Variants in IQCJ observed in about 807,000 individuals in gnomAD.
The protein encoded by IQCJ is IQ domain-containing protein J.
Under a neutral mutation model 11.0 loss-of-function variants are expected in IQCJ, and 9 were observed. That is an observed-to-expected ratio of 0.82 (90% CI 0.49 to 1.43). IQCJ has a LOEUF of 1.43. Among genes scored for constraint, IQCJ ranks in the 40% most tolerant of loss-of-function variants. The pLI is 0.00. For missense variants in IQCJ, 146 were observed against 133.2 expected, an observed-to-expected ratio of 1.10 and a Z score of -0.47; for synonymous variants, 55 against 51.3, an observed-to-expected ratio of 1.07 and a Z score of -0.31.
At chr3:159,210,984 A>G (rs1012790947) in intron 1 of IQCJ, among the ~76,000 whole-genome samples, 2 of 152,170 alleles carry the variant, frequency 1.3e-5, no homozygotes, top group Admixed American at 6.5e-5. Context: ...AAATTTTAAA[A>G]CTATGAAATA....
At chr3:159,095,176 T>A (rs1254722945) in intron 1 of IQCJ, among the ~76,000 whole-genome samples, 1 of 151,868 alleles carries the variant, frequency 6.6e-6, no homozygotes, top group East Asian at 1.9e-4. Context: ...ACCTTAGAAG[T>A]TGGCAAACCG....
chr3:159,101,258 G>A (rs1004837469), intron 1 of IQCJ, among the ~76,000 whole-genome samples: 68 of 149,392 alleles, frequency 4.6e-4, no homozygotes, highest in South Asian at 1.5e-3. Context: ...ACTGGCCTGC[G>A]CCCACTGTCT....
rs534959711 is a variant in IQCJ at position 159,115,539 on chromosome 3, A to C, written c.9+46098A>C. 1.0e-3 allele frequency among the ~76,000 whole-genome samples: 153 copies of C among 152,304 alleles called. 2 individuals carry two copies. In the South Asian group the frequency reaches 0.029, roughly 29 times the overall value. ...GATAGTAAAATTTGCCTTCTGTCTTACTCATTCTAGTGAGGAAGATTAGGA... is the reference window on the plus strand; with the variant it reads ...GATAGTAAAATTTGCCTTCTGTCTTCCTCATTCTAGTGAGGAAGATTAGGA... On this transcript the variant is annotated intron_variant, in intron 1 of 3. Coordinates refer to ENST00000397832, the MANE Select transcript of IQCJ (RefSeq NM_001042706.3).
chr3:159,089,458 T>G (rs373765754), intron 1 of IQCJ, among the ~76,000 whole-genome samples: 2 of 151,068 alleles, frequency 1.3e-5, no homozygotes, highest in African/African-American at 5.0e-5. Flanking sequence ...TGAATCTGAA[T>G]GTTGGCCTGC....
intron 1 of IQCJ, among the ~76,000 whole-genome samples, chr3:159,084,453 G>A (rs377759493): frequency 9.4e-4 from 143 of 152,190 alleles, no homozygotes; most frequent in South Asian, 7.1e-3. Context: ...CTTGCCCAGC[G>A]AGTGAGAATA....
intron 1 of IQCJ, among the ~76,000 whole-genome samples, chr3:159,156,926 C>G (rs764155853): frequency 1.3e-5 from 2 of 152,144 alleles, no homozygotes; most frequent in Non-Finnish European, 1.5e-5. Context: ...GCTTACTAGA[C>G]TATTTTCAAC....
At chr3:159,261,803 A>G (rs1728225608) in intron 3 of IQCJ, among the ~76,000 whole-genome samples, 1 of 151,860 alleles carries the variant, frequency 6.6e-6, no homozygotes, top group Non-Finnish European at 1.5e-5. Context: ...TACTAATCAC[A>G]GAAAATAACT....
At chr3:159,075,182 G>T (rs2108047530) in intron 1 of IQCJ, among the ~76,000 whole-genome samples, 1 of 152,212 alleles carries the variant, frequency 6.6e-6, no homozygotes, top group South Asian at 2.1e-4. Context: ...ATAGGAATTT[G>T]CAATGCAATA....
At chr3:159,089,300 G>A (rs1717052269) in intron 1 of IQCJ, among the ~76,000 whole-genome samples, 1 of 152,196 alleles carries the variant, frequency 6.6e-6, no homozygotes, top group Admixed American at 6.5e-5. Flanking sequence ...CTGTTAGTCT[G>A]ATGGGCTTCC....
intron 3 of IQCJ, among the ~76,000 whole-genome samples, chr3:159,253,298 T>TA (rs1727708162): frequency 6.6e-6 from 1 of 152,158 alleles, no homozygotes; most frequent in Non-Finnish European, 1.5e-5. Context: ...TCTGTTAAGA[T>TA]ACCCAAATGT....
chr3:159,176,286 T>G (rs574536696), intron 1 of IQCJ, among the ~76,000 whole-genome samples: 1 of 152,116 alleles, frequency 6.6e-6, no homozygotes, highest in Non-Finnish European at 1.5e-5. Context: ...TTGTTTTTAA[T>G]TTTTCTAGTT....
intron 1 of IQCJ, among the ~76,000 whole-genome samples, chr3:159,073,247 C>T (rs1020606612): frequency 6.6e-6 from 1 of 152,128 alleles, no homozygotes; most frequent in Non-Finnish European, 1.5e-5. Context: ...GAGGAAGATC[C>T]TGAAAGTCCT....
chr3:159,208,379 T>A (rs1455262734), intron 1 of IQCJ, among the ~76,000 whole-genome samples: 1 of 152,038 alleles, frequency 6.6e-6, no homozygotes, highest in Non-Finnish European at 1.5e-5. Context: ...GCCTGCAGAG[T>A]CCACAGATTG....
chr3:159,176,430 A>G (rs150161593), intron 1 of IQCJ, among the ~76,000 whole-genome samples: 2,282 of 152,164 alleles, frequency 0.015, 55 homozygotes, highest in African/African-American at 0.052. Context: ...ATTATTAAAT[A>G]CATATCTTAC....
chr3:159,189,997 C>G (rs1394797176), intron 1 of IQCJ, among the ~76,000 whole-genome samples: 9 of 152,182 alleles, frequency 5.9e-5, no homozygotes, highest in African/African-American at 2.2e-4. Flanking sequence ...AATATTCACC[C>G]TTTGTCAAGA....
chr3:159,143,197 C>A (rs1720728974), intron 1 of IQCJ, among the ~76,000 whole-genome samples: 1 of 152,190 alleles, frequency 6.6e-6, no homozygotes, highest in African/African-American at 2.4e-5. Context: ...ATCACAGCAT[C>A]TTTGGTAGCA....
At chr3:159,089,625 A>C (rs1220561123) in intron 1 of IQCJ, among the ~76,000 whole-genome samples, 1 of 151,532 alleles carries the variant, frequency 6.6e-6, no homozygotes, top group Admixed American at 6.6e-5. Context: ...ATTTCTTTTT[A>C]TTCTTTTTTC....
At chr3:159,074,799 A>T (rs1445224233) in intron 1 of IQCJ, among the ~76,000 whole-genome samples, 1 of 152,132 alleles carries the variant, frequency 6.6e-6, no homozygotes, top group Non-Finnish European at 1.5e-5. Flanking sequence ...GTAACGAATT[A>T]TTATTATATT....
chr3:159,146,488 G>A (rs544691171), intron 1 of IQCJ, among the ~76,000 whole-genome samples: 5 of 152,070 alleles, frequency 3.3e-5, no homozygotes, highest in Non-Finnish European at 7.4e-5. Flanking sequence ...TTCACTTCAC[G>A]ATGCAAGCTT....
Sources: allele counts gnomAD v4.1 joint callset (sites outside exome capture counted in the v4.1 genomes callset), GRCh38; gene constraint gnomAD v4.1.1; transcripts MANE v1.5; gene names NCBI Gene and HGNC (gene_info 2026-07-23, HGNC 2026-07-21).